HEATR1: variants seen among roughly 807,000 people sequenced by gnomAD.
HEATR1 encodes the protein HEAT repeat-containing protein 1.
HEATR1 carries 77 observed loss-of-function variants against 248.2 expected under a neutral mutation model. That is an observed-to-expected ratio of 0.31 (90% CI 0.26 to 0.37). The LOEUF is 0.37. HEATR1 is among the 10% of genes least tolerant of loss of function. The pLI is 1.00. For synonymous variants in HEATR1, 897 were observed against 923.1 expected (o/e 0.97, Z 0.51); for missense variants, 2,420 against 2,504.9 (o/e 0.97, Z 0.72).
At chr1:236,555,050 C>T (rs1662921204) in intron 41 of HEATR1, among the ~76,000 whole-genome samples, 1 of 152,166 alleles carries the variant, frequency 6.6e-6, no homozygotes, top group Non-Finnish European at 1.5e-5. Flanking sequence ...AAGTTACTTC[C>T]AGTAACTGAC....
rs1663352660 is a variant in HEATR1, at chr1:236,569,071, G to A, written c.4002C>T (p.Val1334=). 6.2e-7 allele frequency: 1 copy of A among 1,607,458 alleles called. No homozygotes were observed. ...MSIFTFMGAN[V]MRLDDTYSFQ... ...AACTGTAAGTATCATCTAGGCGCAT[G>A]ACATTGGCTCCCATAAATGTAAAAA... is the stretch of plus-strand genomic sequence containing the variant. Residue 1334 remains valine (V), a synonymous_variant, in exon 29 of 45, where the codon GTC becomes GTT. Transcript: ENST00000366582.
intron 43 of HEATR1, chr1:236,552,790 T>A (rs1165024231): frequency 6.6e-6 from 1 of 152,224 alleles, no homozygotes; most frequent in Non-Finnish European, 1.5e-5. Flanking sequence ...AAGTGAATTA[T>A]TAAAAAACCA....
Position 236,603,241 on chromosome 1 carries a change from T to C in HEATR1, c.278A>G (p.Asn93Ser). 6 of 1,614,154 alleles carry C rather than the reference T, an allele frequency of 3.7e-6. No homozygotes were observed. The highest frequency in any genetic ancestry group is 5.1e-6 in the Non-Finnish European group (6 of 1,179,996). Residue 93 changes from asparagine to serine, a missense_variant, in exon 3 of 45, where the codon AAC becomes AGC. By Grantham distance (46) the Asn-to-Ser change is conservative. Transcript: ENST00000366582. ...TKAVNKQLDE[N>S]ISLFLIHLSP... ...CAAGTGAATAAGGAATAATGAAATG[T>C]TTTCATCCAACTGTTTGTTTACTGC...
At chr1:236,589,418 C>T (rs562493182) in intron 12 of HEATR1, among the ~76,000 whole-genome samples, 11 of 152,124 alleles carry the variant, frequency 7.2e-5, no homozygotes, top group Admixed American at 1.3e-4. Flanking sequence ...TCTCAAAGAT[C>T]TAAATGTTGT....
rs184767933 is a variant in HEATR1, at chr1:236,559,603, T to C, written c.4770+111A>G. 280 of 1,287,368 alleles carry C rather than the reference T, an allele frequency of 2.2e-4. No homozygotes were observed. The African/African-American group carries it at 3.7e-3, about 17-fold the overall frequency. 79.7% of individuals were successfully genotyped at this position (1,287,368 alleles called of 1,614,324 possible). A position where few individuals can be genotyped will look rare whatever the true frequency, so the allele number is the denominator to read the frequency against. ...TTTTCTAAGAAAAATCTGAGCTTCA[T>C]TATATTCATAAAAGGAATTGCTAAG... On this transcript the variant is annotated intron_variant, in intron 34 of 44. Coordinates refer to ENST00000366582, the MANE Select transcript of HEATR1 (RefSeq NM_018072.6).
chr1:236,602,125 C>T (rs2564734), intron 3 of HEATR1, among the ~76,000 whole-genome samples: 81,267 of 151,328 alleles, frequency 0.54, 23,657 homozygotes, highest in Non-Finnish European at 0.65. Context: ...GGCGACAGTG[C>T]GAGACTGTCT....
chr1:236,555,312 C>T lies in HEATR1; in HGVS notation c.5907G>A (p.Val1969=). 3.7e-6 allele frequency: 6 copies of T among 1,614,090 alleles called. No homozygotes were observed. Among genetic ancestry groups the T allele is most frequent in the Non-Finnish European group, 5.1e-6 (6 of 1,180,008 alleles). The change falls in exon 41 of 45, where the codon GTG becomes GTA. Residue 1969 remains valine, a synonymous_variant. Transcript: ENST00000366582. The part of the protein sequence containing the change: ...VKPFADTLNQ[V]NISKTDEAFF... ...ACCACCCACCTGTTTTGGAGATGTTCACCTGGTTCAAGGTGTCAGCAAAAG... is the reference window on the plus strand; with the variant it reads ...ACCACCCACCTGTTTTGGAGATGTTTACCTGGTTCAAGGTGTCAGCAAAAG...
intron 28 of HEATR1, 53 bp downstream of exon 28, chr1:236,571,298 T>C (rs1663418187): frequency 6.5e-7 from 1 of 1,545,468 alleles, no homozygotes; most frequent in South Asian, 1.3e-5. Context: ...TGCATTTCTG[T>C]GGAAGAAAAA....
chr1:236,585,373 TATAAGA>T (rs1341198679), intron 16 of HEATR1, among the ~76,000 whole-genome samples, 157 bp from the exon 17 acceptor site: 2 of 152,200 alleles, frequency 1.3e-5, no homozygotes, highest in African/African-American at 2.4e-5. Flanking sequence ...TCTAAGTAAT[TATAAGA>T]ATAATTTCAG....
chr1:236,549,077 C>G lies in HEATR1; in HGVS notation c.*1825G>C, dbSNP rs1009570791. 7.5e-6 allele frequency: 3 copies of G among 398,208 alleles called. No individual in the cohort carries two copies. Among genetic ancestry groups the G allele is most frequent in the Admixed American group, 4.4e-5 (1 of 22,710 alleles). 24.7% of individuals were successfully genotyped at this position (398,208 alleles called of 1,614,324 possible). A position where few individuals can be genotyped will look rare whatever the true frequency, so the allele number is the denominator to read the frequency against. ...ACTTCAGGCATTCATAAGGCAGGCACTATCAGAAAGTGTACGCCAACTAAG... is the reference window on the plus strand; with the variant it reads ...ACTTCAGGCATTCATAAGGCAGGCAGTATCAGAAAGTGTACGCCAACTAAG... On this transcript the variant is annotated 3_prime_UTR_variant, in exon 45 of 45. Coordinates refer to ENST00000366582, the MANE Select transcript of HEATR1 (RefSeq NM_018072.6).
chr1:236,603,929 T>C (rs754757546), intron 2 of HEATR1, 25 bp downstream of exon 2: 11 of 1,577,752 alleles, frequency 7.0e-6, no homozygotes, highest in Non-Finnish European at 9.4e-6. Context: ...TTCCAAGAGC[T>C]TTTCTAAGTT....
At chr1:236,570,763 T>C (rs1349466414) in intron 28 of HEATR1, among the ~76,000 whole-genome samples, 2 of 151,998 alleles carry the variant, frequency 1.3e-5, no homozygotes, top group African/African-American at 4.8e-5. Context: ...AGAAATCCCA[T>C]ACAGATAAAA....
rs754802213 is a variant in HEATR1 at position 236,574,819 on chromosome 1, C to G, written c.3169G>C (p.Ala1057Pro). The part of the protein sequence containing the change: ...KEPTAVLKDE[A>P]MVLHLTLGKY... ...CCCAGAGTGAGATGCAGAACCATGGCCTCATCTTTCAGCACAGCTGTGGGC... is the reference window on the plus strand; with the variant it reads ...CCCAGAGTGAGATGCAGAACCATGGGCTCATCTTTCAGCACAGCTGTGGGC... Residue 1057 changes from alanine to proline, a missense_variant, in exon 23 of 45, where the codon GCC becomes CCC. Coordinates refer to ENST00000366582, the MANE Select transcript of HEATR1 (RefSeq NM_018072.6). 1 of 1,613,972 alleles carries G rather than the reference C, an allele frequency of 6.2e-7. No individual in the cohort carries two copies. The highest frequency in any genetic ancestry group is 8.5e-7 in the Non-Finnish European group (1 of 1,179,854).
Position 236,555,378 on chromosome 1 carries a change from C to T in HEATR1, c.5841G>A (p.Leu1947=). The T allele has an allele frequency of 1.2e-6, 2 of 1,614,220 alleles. No homozygotes were observed. The highest frequency in any genetic ancestry group is 1.7e-6 in the Non-Finnish European group (2 of 1,180,040). Reference sequence around the variant, plus strand: ...CGGCAAACAGAGTAAAAAGCCCTTTCAGCTTTTCAGCAATGCAATCTGCCA... The same window carrying T: ...CGGCAAACAGAGTAAAAAGCCCTTTTAGCTTTTCAGCAATGCAATCTGCCA... ...YNLADCIAEK[L]KGLFTLFAGH... Residue 1947 remains leucine (L), a synonymous_variant, in exon 41 of 45, where the codon CTG becomes CTA. Transcript: ENST00000366582.
rs566756960 is a variant in HEATR1, at chr1:236,580,014, A to G, written c.2755+1208T>C. Among the ~76,000 whole-genome samples, 4 of 152,184 alleles carry G rather than the reference A, an allele frequency of 2.6e-5. No homozygotes were observed. In the South Asian group the frequency reaches 6.2e-4, roughly 24 times the overall value. On this transcript the variant is annotated intron_variant, in intron 20 of 44. Transcript: ENST00000366582. ...GGCCACTCCTATGCCTCTGATATTAATAACATTACAGTTTGAAGCATTAAT... is the reference window on the plus strand; with the variant it reads ...GGCCACTCCTATGCCTCTGATATTAGTAACATTACAGTTTGAAGCATTAAT...
chr1:236,581,937 T>C lies in HEATR1; in HGVS notation c.2563-523A>G, dbSNP rs183952300. Among the ~76,000 whole-genome samples the C allele has an allele frequency of 2.0e-5, 3 of 152,270 alleles. No individual in the cohort carries two copies. The East Asian group carries it at 5.8e-4, about 29-fold the overall frequency. On this transcript the variant is annotated intron_variant, in intron 19 of 44. Transcript: ENST00000366582. ...TTTAAATATAGTAATGGGCCTAACA[T>C]ATTAGTAGGAGTGTAGCAATGTTAG...
chr1:236,594,437 T>C (rs1422501069), intron 8 of HEATR1, among the ~76,000 whole-genome samples: 1 of 152,198 alleles, frequency 6.6e-6, no homozygotes, highest in Non-Finnish European at 1.5e-5. Flanking sequence ...ATGGTGCCAA[T>C]CAACTATCTC....
chr1:236,597,875 C>T lies in HEATR1; in HGVS notation c.603+3G>A, dbSNP rs1236220781. 2.5e-6 allele frequency: 4 copies of T among 1,598,210 alleles called. No individual in the cohort carries two copies. Among genetic ancestry groups the T allele is most frequent in the South Asian group, 2.2e-5 (2 of 90,488 alleles). ...TTATATACTCATGAAACAGACTGCTCACCTTCACAGATTTTGTCACCAAAC... is the reference window on the plus strand; with the variant it reads ...TTATATACTCATGAAACAGACTGCTTACCTTCACAGATTTTGTCACCAAAC... On this transcript the variant is annotated splice_donor_region_variant and intron_variant, in intron 5 of 44. Coordinates refer to ENST00000366582, the MANE Select transcript of HEATR1 (RefSeq NM_018072.6).
intron 31 of HEATR1, 66 bp from the exon 32 acceptor site, chr1:236,564,727 G>C (rs953172035): frequency 4.2e-6 from 6 of 1,422,644 alleles, no homozygotes; most frequent in Non-Finnish European, 5.7e-6. Context: ...AGAATTAACA[G>C]ATATAACCTT....
Sources: gnomAD v4.1 joint callset for allele counts (sites outside exome capture counted in the v4.1 genomes callset) on GRCh38, gnomAD v4.1.1 for gene constraint, MANE v1.5 for transcripts, NCBI Gene and HGNC (gene_info 2026-07-23, HGNC 2026-07-21) for gene names.